Variants in PEMT observed in about 807,000 individuals in gnomAD.
PEMT encodes the protein phospholipid methyltransferase.
In PEMT, 23 loss-of-function variants were observed where a neutral mutation model predicts 27.4. The observed-to-expected ratio is 0.84, with a 90% confidence interval of 0.60 to 1.19. The LOEUF (loss-of-function observed/expected upper bound fraction) is 1.19, where lower values mean the gene tolerates loss of function less well. Ranked by LOEUF, PEMT falls within the 50% of genes most tolerant of loss-of-function variation. The pLI, the probability that PEMT is intolerant of heterozygous loss-of-function variation, is 0.00. For missense variants in PEMT, 307 were observed against 310.1 expected (o/e 0.99, Z 0.07); for synonymous variants, 137 against 139.1 (o/e 0.98, Z 0.11).
chr17:17,512,478 C>A lies in PEMT; in HGVS notation c.466+31G>T. The A allele has an allele frequency of 6.5e-7, 1 of 1,527,308 alleles. No homozygotes were observed. The highest frequency in any genetic ancestry group is 1.9e-5 in the Admixed American group (1 of 52,638). 94.6% of individuals were successfully genotyped at this position (1,527,308 alleles called of 1,614,324 possible). ...CCTCCCTGGGGCTCCAGCGGTCCTGCTCAGGGTCACCCCAGCCCTCAGGGT... is the reference window on the plus strand; with the variant it reads ...CCTCCCTGGGGCTCCAGCGGTCCTGATCAGGGTCACCCCAGCCCTCAGGGT... On this transcript the variant is annotated intron_variant, in intron 4 of 6. Transcript: ENST00000255389. This position sits in a 1 kb window ranked among gnomAD's most constrained non-coding sequence, Gnocchi z 6.3.
intron 1 of PEMT, among the ~76,000 whole-genome samples, chr17:17,579,145 C>T (rs1168666967): frequency 6.6e-6 from 1 of 152,218 alleles, no homozygotes; most frequent in Admixed American, 6.5e-5. Flanking sequence ...GGGGCAAGCG[C>T]AGCCTCCACT....
chr17:17,576,865 G>T, intron 2 of PEMT, 55 bp downstream of exon 2: 1 of 1,397,900 alleles, frequency 7.2e-7, no homozygotes, highest in Non-Finnish European at 1.0e-6. Context: ...CTGCATGTGG[G>T]GCTCACCAAG....
chr17:17,536,294 C>A (rs1406750096), intron 2 of PEMT, among the ~76,000 whole-genome samples: 2 of 152,240 alleles, frequency 1.3e-5, no homozygotes, highest in Non-Finnish European at 2.9e-5. Flanking sequence ...TAACTCAGGT[C>A]TGGCTTCAGT....
At chr17:17,572,691 C>T (rs866303037) in intron 2 of PEMT, among the ~76,000 whole-genome samples, 20 of 152,196 alleles carry the variant, frequency 1.3e-4, no homozygotes, top group African/African-American at 4.6e-4. Flanking sequence ...GGCCAGGGGC[C>T]GGGATGGTGC....
chr17:17,562,811 GA>G (rs1313810454), intron 2 of PEMT, among the ~76,000 whole-genome samples: 2 of 150,588 alleles, frequency 1.3e-5, no homozygotes, highest in Non-Finnish European at 3.0e-5. Context: ...TCTGTCTCAA[GA>G]AAAAAAAAGA....
chr17:17,517,393 T>C (rs1392631129), intron 3 of PEMT, among the ~76,000 whole-genome samples: 2 of 149,720 alleles, frequency 1.3e-5, no homozygotes, highest in Non-Finnish European at 3.0e-5. Flanking sequence ...TTTTCTGCCA[T>C]GGAACGCTGC....
chr17:17,548,223 T>G (rs796095364), intron 2 of PEMT, among the ~76,000 whole-genome samples: 39 of 152,368 alleles, frequency 2.6e-4, no homozygotes, highest in African/African-American at 8.2e-4. Context: ...ACAGCCCTGC[T>G]GGCGTCCAGC....
At chr17:17,567,272 C>A (rs1332530108) in intron 2 of PEMT, among the ~76,000 whole-genome samples, 1 of 152,274 alleles carries the variant, frequency 6.6e-6, no homozygotes, top group African/African-American at 2.4e-5. Context: ...CTGGCACAGG[C>A]TGTGAGCTGA....
At chr17:17,514,069 T>G (rs575589975) in intron 3 of PEMT, among the ~76,000 whole-genome samples, 1 of 152,130 alleles carries the variant, frequency 6.6e-6, no homozygotes, top group Admixed American at 6.5e-5. Context: ...CATCCATCAA[T>G]GTATCCTCTA....
chr17:17,562,412 G>A (rs146410081), intron 2 of PEMT, among the ~76,000 whole-genome samples: 63 of 151,870 alleles, frequency 4.1e-4, no homozygotes, highest in African/African-American at 1.3e-3. Context: ...AGCTCCTGAT[G>A]GGGAGGGCAC....
intron 1 of PEMT, among the ~76,000 whole-genome samples, chr17:17,581,325 C>T (rs1166664528): frequency 6.6e-6 from 1 of 152,140 alleles, no homozygotes; most frequent in East Asian, 1.9e-4. Context: ...CTATCTCTGG[C>T]CATACTCTCA....
intron 2 of PEMT, among the ~76,000 whole-genome samples, chr17:17,537,827 G>A (rs918990647): frequency 2.0e-5 from 3 of 152,238 alleles, no homozygotes; most frequent in Non-Finnish European, 4.4e-5. Flanking sequence ...GCCCAGCATG[G>A]CGTAGAAGGC....
At chr17:17,587,367 T>A (rs574014400) in intron 1 of PEMT, among the ~76,000 whole-genome samples, 1 of 152,298 alleles carries the variant, frequency 6.6e-6, no homozygotes, top group African/African-American at 2.4e-5. Context: ...ACTGTCAAAA[T>A]TCATTCAAGA....
intron 4 of PEMT, among the ~76,000 whole-genome samples, chr17:17,511,115 G>A (rs1020992942): frequency 1.3e-5 from 2 of 152,090 alleles, no homozygotes; most frequent in Non-Finnish European, 2.9e-5. Context: ...TCATCCTCCT[G>A]CCCTGTCCCA....
At chr17:17,570,423 TTGGGGTAC>T in intron 2 of PEMT, 1 of 755,050 alleles carries the variant, frequency 1.3e-6, no homozygotes, top group Non-Finnish European at 1.6e-6. Flanking sequence ...TGGCCTGGGC[TTGGGGTAC>T]TACTGACATC....
At position 17,512,331 on chromosome 17, in the gene PEMT, CA is replaced by C. The variant is rs751896615; in HGVS notation, c.466+177del. ...TGGGGTAAGAGGAGCTGTTGGAGCC[CA>C]GCCTCCTGTTCTAACCACAGACAAG... On this transcript the variant is annotated intron_variant, in intron 4 of 6. Coordinates refer to ENST00000255389, the MANE Select transcript of PEMT (RefSeq NM_148172.3). This position sits in a 1 kb window ranked among gnomAD's most constrained non-coding sequence, Gnocchi z 6.3. 6.6e-6 allele frequency among the ~76,000 whole-genome samples: 1 copy of C among 152,208 alleles called. No homozygotes were observed. The highest frequency in any genetic ancestry group is 1.5e-5 in the Non-Finnish European group (1 of 68,018).
chr17:17,514,671 C>T (rs1052214603), intron 3 of PEMT, among the ~76,000 whole-genome samples: 4 of 152,240 alleles, frequency 2.6e-5, no homozygotes, highest in Non-Finnish European at 4.4e-5. Context: ...CTCAGGGTCA[C>T]GGGCTGCCAT....
At chr17:17,525,115 A>G (rs1004412404) in intron 2 of PEMT, among the ~76,000 whole-genome samples, 4 of 152,064 alleles carry the variant, frequency 2.6e-5, no homozygotes, top group African/African-American at 9.7e-5. Flanking sequence ...CAAAAAACAA[A>G]AACAAAAACA....
chr17:17,560,467 C>A (rs1031451489), intron 2 of PEMT, among the ~76,000 whole-genome samples: 3 of 152,196 alleles, frequency 2.0e-5, no homozygotes, highest in Non-Finnish European at 4.4e-5. Context: ...AGGTACCTAT[C>A]CAGAAAAGGG....
Sources: allele counts gnomAD v4.1 joint callset (sites outside exome capture counted in the v4.1 genomes callset), GRCh38; gene constraint gnomAD v4.1.1; non-coding constraint Gnocchi (gnomAD v3.1); transcripts MANE v1.5; gene names NCBI Gene and HGNC (gene_info 2026-07-23, HGNC 2026-07-21).